WAC: variants seen among roughly 807,000 people sequenced by gnomAD.
The protein encoded by WAC is WW domain-containing adapter protein with coiled-coil.
Under a neutral mutation model 79.6 loss-of-function variants are expected in WAC, and 11 were observed. The observed-to-expected ratio is 0.14, with a 90% CI of 0.09 to 0.23. WAC has a LOEUF of 0.23. WAC is among the 10% of genes least tolerant of loss of function. The probability of loss-of-function intolerance (pLI) is 1.00; values close to 1 mark genes in which losing one functional copy is unlikely to be tolerated. For missense variants in WAC, 728 were observed against 773.5 expected (o/e 0.94, Z 0.70); for synonymous variants, 304 against 276.9 (o/e 1.10, Z -0.97).
At chr10:28,581,808 T>C (rs926175179) in intron 3 of WAC, among the ~76,000 whole-genome samples, 19 of 152,172 alleles carry the variant, frequency 1.2e-4, no homozygotes, top group African/African-American at 4.3e-4. Context: ...GTGATCCACC[T>C]GCCTCGGCCT....
intron 9 of WAC, chr10:28,611,075 T>C (rs1841217342): frequency 1.8e-6 from 1 of 559,996 alleles, no homozygotes; most frequent in South Asian, 2.1e-5. Flanking sequence ...TAAGACAGTA[T>C]TTAATTCAGA....
chr10:28,532,780 G>C (rs1031201403), upstream of WAC: 1 of 152,798 alleles, frequency 6.5e-6, no homozygotes, highest in Non-Finnish European at 1.5e-5. Context: ...CCCTTATTTA[G>C]TCCGCGATGG....
At position 28,610,804 on chromosome 10, in the gene WAC, C is replaced by G. The variant is rs1168407323; in HGVS notation, c.1271C>G (p.Ala424Gly). 1 of 1,610,488 alleles carries G rather than the reference C, an allele frequency of 6.2e-7. No homozygotes were observed. The change falls in exon 9 of 14, where the codon GCT (alanine) becomes GGT (glycine). Residue 424 changes from alanine to glycine, a missense_variant. Ala to Gly is a moderately conservative substitution (Grantham distance 60). This residue lies in a region of WAC where 648 missense variants were observed against 661.5 expected (regional missense o/e 0.98). Coordinates refer to ENST00000354911, the MANE Select transcript of WAC (RefSeq NM_016628.5). ...FNITSLISQA[A>G]QLSTQAQPSN... The stretch of plus-strand genomic sequence containing the variant: ...ATAACGTCTCTGATTTCTCAAGCTG[C>G]TCAGCTCTCTACACAAGGTATTCTT...
At chr10:28,542,635 T>C (rs17686203) in intron 3 of WAC, among the ~76,000 whole-genome samples, 2,261 of 152,334 alleles carry the variant, frequency 0.015, 26 homozygotes, top group Non-Finnish European at 0.024. Flanking sequence ...GGAAGATACC[T>C]GATACGAGAC....
Position 28,614,603 on chromosome 10 carries a change from C to G in WAC, c.1474C>G (p.Gln492Glu). Residue 492 changes from glutamine to glutamate, a missense_variant, in exon 11 of 14, where the codon CAG (glutamine) becomes GAG (glutamate). Physicochemically the swap from Gln to Glu is conservative, Grantham distance 29 (BLOSUM62 2). Transcript: ENST00000354911. ...TPVVKQGPVS[Q>E]SATQQPVTAD... Reference sequence around the variant, plus strand: ...AGTAGTTAAGCAAGGACCAGTGTCACAGTCAGCCACACAGCAGCCTGTAAC... The same window carrying G: ...AGTAGTTAAGCAAGGACCAGTGTCAGAGTCAGCCACACAGCAGCCTGTAAC... 2 of 1,614,202 alleles carry G rather than the reference C, an allele frequency of 1.2e-6. No individual in the cohort carries two copies. The highest frequency in any genetic ancestry group is 1.7e-6 in the Non-Finnish European group (2 of 1,180,036).
At chr10:28,569,301 C>G (rs998460968) in intron 3 of WAC, among the ~76,000 whole-genome samples, 9 of 152,136 alleles carry the variant, frequency 5.9e-5, no homozygotes, top group African/African-American at 2.2e-4. Flanking sequence ...GGTAAATGAT[C>G]ATTATGCAAA....
intron 3 of WAC, among the ~76,000 whole-genome samples, chr10:28,556,275 T>A (rs1837980380): frequency 6.6e-6 from 1 of 152,058 alleles, no homozygotes; most frequent in Non-Finnish European, 1.5e-5. Context: ...AGCTAATAGA[T>A]CATTGCAGTT....
intron 10 of WAC, among the ~76,000 whole-genome samples, chr10:28,613,840 T>TA (rs1841355925): frequency 6.6e-6 from 1 of 152,198 alleles, no homozygotes; most frequent in South Asian, 2.1e-4. Flanking sequence ...CTGAATATAA[T>TA]ACATATCCTG....
At chr10:28,566,097 A>C (rs1838588550) in intron 3 of WAC, among the ~76,000 whole-genome samples, 1 of 152,202 alleles carries the variant, frequency 6.6e-6, no homozygotes, top group Non-Finnish European at 1.5e-5. Flanking sequence ...CTTGAATCTT[A>C]AAAAGCACTT....
intron 3 of WAC, among the ~76,000 whole-genome samples, chr10:28,536,572 T>G (rs914342163): frequency 5.3e-5 from 8 of 152,264 alleles, no homozygotes; most frequent in African/African-American, 1.9e-4. Context: ...ATTTTCAGTA[T>G]TCTCCAGTTT....
chr10:28,609,907 T>C (rs1213691543), intron 8 of WAC, among the ~76,000 whole-genome samples: 2 of 150,048 alleles, frequency 1.3e-5, no homozygotes, highest in East Asian at 2.0e-4. Context: ...ACATCAAAAA[T>C]ACATGGTATT....
At chr10:28,564,398 A>T (rs546353613) in intron 3 of WAC, among the ~76,000 whole-genome samples, 2 of 152,352 alleles carry the variant, frequency 1.3e-5, no homozygotes, top group East Asian at 3.9e-4. Context: ...AGTCATAGAG[A>T]TGGAAGAAGA....
At chr10:28,553,981 G>T (rs1451630771) in intron 3 of WAC, among the ~76,000 whole-genome samples, 1 of 152,102 alleles carries the variant, frequency 6.6e-6, no homozygotes, top group Admixed American at 6.6e-5. Flanking sequence ...TGATTCTCCT[G>T]CCTGTCTCCC....
chr10:28,595,114 G>T (rs1213051661), intron 6 of WAC, among the ~76,000 whole-genome samples: 7 of 152,092 alleles, frequency 4.6e-5, no homozygotes, highest in Non-Finnish European at 1.0e-4. Context: ...TAACTCTCTG[G>T]TATTTGTAAC....
chr10:28,559,135 G>GTGTGTGTGTGTGTGT (rs750941388), intron 3 of WAC, among the ~76,000 whole-genome samples: 6 of 64,804 alleles, frequency 9.3e-5, no homozygotes, highest in African/African-American at 3.7e-4. Flanking sequence ...CGAGAAACCT[G>GTGTGTGTGTGTGTGT]ATGTGTGTGT....
At chr10:28,541,518 A>G (rs1223002240) in intron 3 of WAC, among the ~76,000 whole-genome samples, 5 of 131,246 alleles carry the variant, frequency 3.8e-5, no homozygotes, top group Non-Finnish European at 7.7e-5. Flanking sequence ...TGCAACCTCC[A>G]CCCCCTGGCA....
At chr10:28,595,616 A>G (rs1840321247) in intron 6 of WAC, 117 bp from the exon 7 acceptor site, 2 of 998,520 alleles carry the variant, frequency 2.0e-6, no homozygotes, top group African/African-American at 1.6e-5. Context: ...ATAAAAGAAT[A>G]TGTAAGTACA....
At chr10:28,581,060 ATGT>A (rs1251614542) in intron 3 of WAC, among the ~76,000 whole-genome samples, 1 of 152,084 alleles carries the variant, frequency 6.6e-6, no homozygotes, top group Non-Finnish European at 1.5e-5. Context: ...CACTTGTGGA[ATGT>A]TGTCTACCAG....
At chr10:28,582,337 C>T (rs748867582) in intron 3 of WAC, among the ~76,000 whole-genome samples, 4 of 152,152 alleles carry the variant, frequency 2.6e-5, no homozygotes, top group African/African-American at 4.8e-5. Flanking sequence ...CTGTATTAAT[C>T]GGACCATTTT....
Sources: gnomAD v4.1 joint callset for allele counts (sites outside exome capture counted in the v4.1 genomes callset) on GRCh38, gnomAD v4.1.1 for gene constraint, gnomAD v4.1.1 regional missense constraint, MANE v1.5 for transcripts, NCBI Gene and HGNC (gene_info 2026-07-23, HGNC 2026-07-21) for gene names.